Variants in VPS26C observed in about 807,000 individuals in gnomAD.
VPS26C encodes VPS26 endosomal protein sorting factor C.
VPS26C carries 19 observed loss-of-function variants against 30.6 expected under a neutral mutation model. That is an observed-to-expected ratio of 0.62 (90% CI 0.43 to 0.91). The LOEUF is 0.91. Among genes scored for constraint, VPS26C ranks in the 40% least tolerant of loss-of-function variants. The pLI is 0.00. For missense variants in VPS26C, 318 were observed against 385.1 expected (o/e 0.83, Z 1.46); for synonymous variants, 132 against 151.5 (o/e 0.87, Z 0.95).
chr21:37,258,506 A>G (rs2086270316), intron 1 of VPS26C, among the ~76,000 whole-genome samples: 1 of 152,218 alleles, frequency 6.6e-6, no homozygotes, highest in African/African-American at 2.4e-5. Flanking sequence ...CCTGGAAGCT[A>G]CGTGTCCTCA....
chr21:37,248,506 CTAAG>C (rs1569238331), intron 1 of VPS26C, among the ~76,000 whole-genome samples: 1 of 151,946 alleles, frequency 6.6e-6, no homozygotes, highest in Non-Finnish European at 1.5e-5. Flanking sequence ...GAAAAGCTGA[CTAAG>C]TGAATTATTT....
chr21:37,249,712 C>T (rs1055887715), intron 1 of VPS26C, among the ~76,000 whole-genome samples: 1 of 152,052 alleles, frequency 6.6e-6, no homozygotes, highest in East Asian at 1.9e-4. Flanking sequence ...GGGGAGATGG[C>T]GGGAGTGGGA....
rs2085992385 is a variant in VPS26C at position 37,233,840 on chromosome 21, T to G, written c.352-398A>C. 6.6e-6 allele frequency among the ~76,000 whole-genome samples: 1 copy of G among 152,166 alleles called. No individual in the cohort carries two copies. Among genetic ancestry groups the G allele is most frequent in the Non-Finnish European group, 1.5e-5 (1 of 68,020 alleles). ...TGCGAGCCCAGACAGATAACACAAC[T>G]TGTCTGAGCTTCTGCTTCCCTTCTG... is the stretch of plus-strand genomic sequence containing the variant. On this transcript the variant is annotated intron_variant, in intron 3 of 7. Transcript: ENST00000309117. The surrounding 1 kb of genome is among the most constrained non-coding windows in gnomAD (Gnocchi z 5.2).
intron 1 of VPS26C, among the ~76,000 whole-genome samples, chr21:37,254,284 A>G (rs544952353): frequency 9.2e-5 from 14 of 152,222 alleles, no homozygotes; most frequent in Non-Finnish European, 1.5e-4. Context: ...GTAGAGGACA[A>G]GAGATGAGTC....
At chr21:37,240,714 G>A (rs1420359718) in intron 1 of VPS26C, 75 bp from the exon 2 acceptor site, 2 of 1,531,316 alleles carry the variant, frequency 1.3e-6, no homozygotes, top group Admixed American at 4.2e-5. Context: ...GCAAACGTAG[G>A]TCTCCTTCAT....
chr21:37,259,799 T>C (rs12482227), intron 1 of VPS26C, among the ~76,000 whole-genome samples: 3,278 of 152,248 alleles, frequency 0.022, 248 homozygotes, highest in Admixed American at 0.15. Context: ...TGACAATCTG[T>C]GAAGCATCTG....
In VPS26C at chr21:37,263,021, T is replaced by G. The variant is rs574082775; in HGVS notation, c.57+4217A>C. On this transcript the variant is annotated intron_variant, in intron 1 of 7. Coordinates refer to ENST00000309117, the MANE Select transcript of VPS26C (RefSeq NM_006052.2). ...CTCAAGTGATCTGCCTACCTCGGCC[T>G]CCCAAAGTGCTGGGATTACAGGTGT... Among the ~76,000 whole-genome samples the G allele has an allele frequency of 3.3e-5, 5 of 152,312 alleles. No individual in the cohort carries two copies. The South Asian group carries it at 8.3e-4, about 25-fold the overall frequency.
At chr21:37,266,933 ACCGC>A (rs2086369124) in intron 1 of VPS26C, 2 of 460,892 alleles carry the variant, frequency 4.3e-6, no homozygotes, top group Non-Finnish European at 3.8e-6. Context: ...AGAACCCAAC[ACCGC>A]CGGGTGTTCA....
At chr21:37,243,060 G>T (rs1388817406) in intron 1 of VPS26C, among the ~76,000 whole-genome samples, 1 of 152,146 alleles carries the variant, frequency 6.6e-6, no homozygotes, top group Non-Finnish European at 1.5e-5. Context: ...ACAGGAGACG[G>T]TTTAACAGAG....
At chr21:37,264,671 G>A (rs2086340862) in intron 1 of VPS26C, among the ~76,000 whole-genome samples, 1 of 152,126 alleles carries the variant, frequency 6.6e-6, no homozygotes, top group African/African-American at 2.4e-5. Flanking sequence ...ACAAAGTAGT[G>A]GAAAAATTGG....
At chr21:37,245,011 C>G (rs377541335) in intron 1 of VPS26C, among the ~76,000 whole-genome samples, 1 of 152,200 alleles carries the variant, frequency 6.6e-6, no homozygotes, top group Admixed American at 6.5e-5. Context: ...TGGGCTCATG[C>G]AAAGTCAAGA....
chr21:37,261,601 A>C (rs905768887), intron 1 of VPS26C: 1 of 152,074 alleles, frequency 6.6e-6, no homozygotes, highest in African/African-American at 2.4e-5. Context: ...ATGGGTGACA[A>C]GAGTTGTTGC....
Position 37,227,758 on chromosome 21 carries a change from T to C in VPS26C, c.707A>G (p.Gln236Arg), listed in dbSNP as rs768037120. The part of the protein sequence containing the change: ...ARDATEIQNI[Q>R]IADGDVCRGL... ...CCTGCACACATCCCCGTCGGCGATC[T>C]GAATGTTCTGAATCTCCGTGGCGTC... The change falls in exon 7 of 8, where the codon CAG (glutamine) becomes CGG (arginine). Residue 236 changes from glutamine (Q) to arginine (R), a missense_variant. Coordinates refer to ENST00000309117, the MANE Select transcript of VPS26C (RefSeq NM_006052.2). 31 of 1,614,078 alleles carry C rather than the reference T, an allele frequency of 1.9e-5. No homozygotes were observed. The South Asian group carries it at 2.9e-4, about 15-fold the overall frequency.
chr21:37,267,076 G>T, intron 1 of VPS26C, 162 bp downstream of exon 1: 2 of 709,424 alleles, frequency 2.8e-6, no homozygotes, highest in South Asian at 1.6e-5. Context: ...AGCACCTGGC[G>T]GGGACGCACC....
At chr21:37,255,292 T>C (rs1158895044) in intron 1 of VPS26C, among the ~76,000 whole-genome samples, 1 of 152,146 alleles carries the variant, frequency 6.6e-6, no homozygotes, top group African/African-American at 2.4e-5. Flanking sequence ...TTTAGAGAAA[T>C]TGTCTTAAAT....
At chr21:37,250,980 A>G (rs371167114) in intron 1 of VPS26C, among the ~76,000 whole-genome samples, 1 of 152,102 alleles carries the variant, frequency 6.6e-6, no homozygotes, top group Admixed American at 6.6e-5. Context: ...GATCTGAACA[A>G]AGAGCTCACA....
intron 2 of VPS26C, 144 bp downstream of exon 2, chr21:37,240,352 T>G (rs1031965593): frequency 4.9e-5 from 41 of 844,848 alleles, no homozygotes; most frequent in South Asian, 3.7e-4. Flanking sequence ...CTCAAACTCC[T>G]GGGCTCAAGC....
At chr21:37,239,345 C>G (rs1197254030) in intron 2 of VPS26C, among the ~76,000 whole-genome samples, 1 of 152,214 alleles carries the variant, frequency 6.6e-6, no homozygotes, top group Non-Finnish European at 1.5e-5. Flanking sequence ...CTTTCTCTGT[C>G]TTCACTCTTT....
At chr21:37,267,514 C>A, upstream of VPS26C, 2 of 580,552 alleles carry the variant, frequency 3.4e-6, no homozygotes, top group Non-Finnish European at 6.1e-6. Context: ...CGGGCCGAAG[C>A]GCTGTCACGG....
Sources: allele counts gnomAD v4.1 joint callset (sites outside exome capture counted in the v4.1 genomes callset), GRCh38; gene constraint gnomAD v4.1.1; non-coding constraint Gnocchi (gnomAD v3.1); transcripts MANE v1.5; gene names NCBI Gene and HGNC (gene_info 2026-07-23, HGNC 2026-07-21).